Variants in CNTN5 observed in about 807,000 individuals in gnomAD.
The protein encoded by CNTN5 is contactin 5.
CNTN5 carries 77 observed loss-of-function variants against 129.1 expected under a neutral mutation model. The ratio of observed to expected loss-of-function variants is 0.60; its 90% confidence interval spans 0.50 to 0.72. The LOEUF (loss-of-function observed/expected upper bound fraction) is 0.72, where lower values mean the gene tolerates loss of function less well. CNTN5 is among the 30% of genes least tolerant of loss of function. The probability of loss-of-function intolerance (pLI) is 0.00; values close to 1 mark genes in which losing one functional copy is unlikely to be tolerated. For synonymous variants in CNTN5, 509 were observed against 465.6 expected, an observed-to-expected ratio of 1.09 and a Z score of -1.20; for missense variants, 1,478 against 1,328.8, an observed-to-expected ratio of 1.11 and a Z score of -1.75.
chr11:100,340,342 T>A (rs1952130806), intron 21 of CNTN5, 121 bp from the exon 22 acceptor site: 3 of 653,464 alleles, frequency 4.6e-6, no homozygotes, highest in Non-Finnish European at 7.9e-6. Context: ...TTGGGTGATA[T>A]AGGAGTGATT....
chr11:100,104,642 A>G (rs1337925458), intron 13 of CNTN5, among the ~76,000 whole-genome samples: 2 of 152,176 alleles, frequency 1.3e-5, no homozygotes, highest in Non-Finnish European at 2.9e-5. Flanking sequence ...ATATCGATTA[A>G]TAGATAAAAA....
At position 99,652,644 on chromosome 11, in the gene CNTN5, T is replaced by G. The variant is rs184604723; in HGVS notation, c.55+96375T>G. Among the ~76,000 whole-genome samples the G allele has an allele frequency of 2.2e-3, 342 of 152,202 alleles. 1 individual carries two copies. The highest frequency in any genetic ancestry group is 7.5e-3 in the African/African-American group (312 of 41,562). On this transcript the variant is annotated intron_variant, in intron 3 of 24. Transcript: ENST00000524871. Reference sequence around the variant, plus strand: ...TAACTTATTTGGTGAAAAATTTTGATCAGAACTTACACATAATTTATATAA... The same window carrying G: ...TAACTTATTTGGTGAAAAATTTTGAGCAGAACTTACACATAATTTATATAA...
At chr11:100,323,634 C>T (rs961789976) in intron 21 of CNTN5, among the ~76,000 whole-genome samples, 2 of 127,330 alleles carry the variant, frequency 1.6e-5, no homozygotes, top group Admixed American at 8.4e-5. Flanking sequence ...TATATGTCCT[C>T]CTCCCCCCCC....
At chr11:99,966,133 A>T (rs1565732055) in intron 8 of CNTN5, among the ~76,000 whole-genome samples, 1 of 152,184 alleles carries the variant, frequency 6.6e-6, no homozygotes, top group African/African-American at 2.4e-5. Context: ...GCTAAAAAAA[A>T]TCATTTCAAG....
intron 1 of CNTN5, among the ~76,000 whole-genome samples, chr11:99,112,460 A>C (rs1172742722): frequency 6.6e-6 from 1 of 152,092 alleles, no homozygotes; most frequent in African/African-American, 2.4e-5. Flanking sequence ...AAGATTTATT[A>C]AAACAAAAAT....
At chr11:99,761,281 T>G (rs1245363464) in intron 3 of CNTN5, among the ~76,000 whole-genome samples, 1 of 152,170 alleles carries the variant, frequency 6.6e-6, no homozygotes, top group Non-Finnish European at 1.5e-5. Flanking sequence ...CTTTTATTAT[T>G]ATACTTTAAG....
chr11:99,244,497 C>CT (rs925796220), intron 1 of CNTN5, among the ~76,000 whole-genome samples: 14 of 152,142 alleles, frequency 9.2e-5, no homozygotes, highest in East Asian at 1.9e-4. Flanking sequence ...TAACAATGAC[C>CT]TTTTTTTACA....
At chr11:100,249,247 T>C (rs1949910989) in intron 16 of CNTN5, among the ~76,000 whole-genome samples, 1 of 152,218 alleles carries the variant, frequency 6.6e-6, no homozygotes, top group Non-Finnish European at 1.5e-5. Context: ...TTTTCAGCTT[T>C]AAAAGACAAT....
chr11:99,488,109 A>T, intron 2 of CNTN5, among the ~76,000 whole-genome samples: 1 of 150,348 alleles, frequency 6.7e-6, no homozygotes. Context: ...ATTTTTTCTT[A>T]CTTTCCCATC....
intron 3 of CNTN5, among the ~76,000 whole-genome samples, chr11:99,680,303 G>A (rs1392178194): frequency 1.3e-5 from 2 of 152,148 alleles, no homozygotes; most frequent in African/African-American, 2.4e-5. Context: ...TGGCTTCAAA[G>A]CTTCAAGGCC....
At chr11:99,508,415 G>A (rs1946705161) in intron 2 of CNTN5, among the ~76,000 whole-genome samples, 1 of 152,078 alleles carries the variant, frequency 6.6e-6, no homozygotes, top group Admixed American at 6.5e-5. Context: ...CGTGGACACA[G>A]AGGGCCGGCT....
Position 99,612,885 on chromosome 11 carries a change from C to T in CNTN5, c.55+56616C>T, listed in dbSNP as rs76090814. 7.2e-3 allele frequency among the ~76,000 whole-genome samples: 1,089 copies of T among 152,266 alleles called. 16 individuals carry two copies. Among genetic ancestry groups the T allele is most frequent in the African/African-American group, 0.025 (1,033 of 41,548 alleles). On this transcript the variant is annotated intron_variant, in intron 3 of 24. Transcript: ENST00000524871. ...GAAGTGAAGTTGACACACCAGTAGACAGATGAGTGGTATAAAGAGGAGCGG... is the reference window on the plus strand; with the variant it reads ...GAAGTGAAGTTGACACACCAGTAGATAGATGAGTGGTATAAAGAGGAGCGG...
In CNTN5 at chr11:99,484,916, C is replaced by T. The variant is rs191303748; in HGVS notation, c.-70-71229C>T. Reference sequence around the variant, plus strand: ...GAGGATACTAGAGATTGGGAAGGGCCGGGGAGAGGGGAGCATTGGGAGAGA... The same window carrying T: ...GAGGATACTAGAGATTGGGAAGGGCTGGGGAGAGGGGAGCATTGGGAGAGA... On this transcript the variant is annotated intron_variant, in intron 2 of 24. Transcript: ENST00000524871. 3.7e-3 allele frequency among the ~76,000 whole-genome samples: 560 copies of T among 151,784 alleles called. 2 individuals are homozygous for T. The highest frequency in any genetic ancestry group is 0.01 in the Middle Eastern group (3 of 292).
rs75257412 is a variant in CNTN5, at chr11:99,905,599, C to T, written c.578-10455C>T. Among the ~76,000 whole-genome samples the T allele has an allele frequency of 3.4e-3, 510 of 152,096 alleles. 3 individuals carry two copies. Among genetic ancestry groups the T allele is most frequent in the African/African-American group, 0.012 (485 of 41,482 alleles). On this transcript the variant is annotated intron_variant, in intron 6 of 24. Coordinates refer to ENST00000524871, the MANE Select transcript of CNTN5 (RefSeq NM_014361.4). The stretch of plus-strand genomic sequence containing the variant: ...GATGCCTCCAGCTTTGTTCTTTTTT[C>T]TTAGGATTGTCTTTGCTGTACGGGC...
At chr11:100,161,836 C>CACAT (rs1947459139) in intron 13 of CNTN5, among the ~76,000 whole-genome samples, 1 of 56,712 alleles carries the variant, frequency 1.8e-5, no homozygotes, top group Non-Finnish European at 3.4e-5. Flanking sequence ...TTCCTACACA[C>CACAT]ACACACACAC....
chr11:99,711,023 T>C (rs574111794), intron 3 of CNTN5, among the ~76,000 whole-genome samples: 1 of 152,108 alleles, frequency 6.6e-6, no homozygotes, highest in Non-Finnish European at 1.5e-5. Flanking sequence ...GCATACTTAT[T>C]CAAAGGAGTA....
At chr11:100,239,725 A>T (rs1171458980) in intron 16 of CNTN5, among the ~76,000 whole-genome samples, 1 of 152,206 alleles carries the variant, frequency 6.6e-6, no homozygotes. Context: ...TTATTCTAGA[A>T]TTGTCTTTAA....
intron 9 of CNTN5, among the ~76,000 whole-genome samples, chr11:100,003,152 A>G (rs1047283829): frequency 1.1e-4 from 17 of 152,156 alleles, no homozygotes; most frequent in Admixed American, 3.9e-4. Context: ...TAAGACATAT[A>G]TGCAATTCTA....
At chr11:100,004,884 C>G (rs962213567) in intron 9 of CNTN5, among the ~76,000 whole-genome samples, 1 of 152,168 alleles carries the variant, frequency 6.6e-6, no homozygotes. Flanking sequence ...TATATCCTGA[C>G]TTCTTTTTCC....
Sources: gnomAD v4.1 joint callset for allele counts (sites outside exome capture counted in the v4.1 genomes callset) on GRCh38, gnomAD v4.1.1 for gene constraint, MANE v1.5 for transcripts, NCBI Gene and HGNC (gene_info 2026-07-23, HGNC 2026-07-21) for gene names.